Variants in DLG2 observed in about 807,000 individuals in gnomAD.
DLG2 encodes disks large homolog 2.
In DLG2, 45 loss-of-function variants were observed where a neutral mutation model predicts 132.5. The ratio of observed to expected loss-of-function variants is 0.34; its 90% CI spans 0.27 to 0.44. DLG2 has a LOEUF of 0.44. Among genes scored for constraint, DLG2 ranks in the 20% least tolerant of loss-of-function variants. The pLI is 1.00. For missense variants in DLG2, 1,045 were observed against 1,196.9 expected (o/e 0.87, Z 1.87); for synonymous variants, 424 against 419.6 (o/e 1.01, Z -0.13).
At chr11:83,906,325 G>T (rs1480203455) in intron 15 of DLG2, among the ~76,000 whole-genome samples, 1 of 99,830 alleles carries the variant, frequency 1.0e-5, no homozygotes, top group Non-Finnish European at 2.0e-5. Context: ...ACACACCTCG[G>T]CCTCCCAAAG....
chr11:83,874,680 C>T (rs975025511), intron 15 of DLG2, among the ~76,000 whole-genome samples, 192 bp from the exon 16 acceptor site: 7 of 152,088 alleles, frequency 4.6e-5, no homozygotes, highest in South Asian at 2.1e-4. Context: ...AATGCTAACC[C>T]TCCAAGAAAC....
At chr11:83,936,510 C>T (rs1386263866) in intron 14 of DLG2, among the ~76,000 whole-genome samples, 1 of 152,202 alleles carries the variant, frequency 6.6e-6, no homozygotes, top group Non-Finnish European at 1.5e-5. Flanking sequence ...TTAGATACCA[C>T]AGTCTGCAAA....
intron 7 of DLG2, among the ~76,000 whole-genome samples, chr11:84,428,632 A>G (rs972609709): frequency 6.6e-6 from 1 of 152,226 alleles, no homozygotes; most frequent in Non-Finnish European, 1.5e-5. Flanking sequence ...CACCAAGCCT[A>G]TCAGATTCAG....
intron 17 of DLG2, among the ~76,000 whole-genome samples, chr11:83,816,500 T>TC (rs146625147): frequency 0.019 from 2,837 of 152,256 alleles, 35 homozygotes; most frequent in Non-Finnish European, 0.028. Context: ...CAGTTTTTTT[T>TC]CACTGGAAAA....
At chr11:84,074,777 C>G (rs1489291368) in intron 10 of DLG2, among the ~76,000 whole-genome samples, 1 of 152,138 alleles carries the variant, frequency 6.6e-6, no homozygotes, top group East Asian at 1.9e-4. Flanking sequence ...ATCTGCCCAC[C>G]TCGGCCTCCC....
intron 15 of DLG2, among the ~76,000 whole-genome samples, chr11:83,924,126 C>T (rs147821114): frequency 0.012 from 1,855 of 152,166 alleles, 14 homozygotes; most frequent in Admixed American, 0.024. Flanking sequence ...AGCTCAGTGT[C>T]TTCATGAAAA....
chr11:84,200,714 G>C (rs1283274890), intron 8 of DLG2, among the ~76,000 whole-genome samples: 1 of 152,052 alleles, frequency 6.6e-6, no homozygotes, highest in African/African-American at 2.4e-5. Flanking sequence ...TAGCAATTCT[G>C]AATGGGAGTT....
At chr11:85,124,836 T>A (rs1372520526) in intron 5 of DLG2, among the ~76,000 whole-genome samples, 1 of 150,366 alleles carries the variant, frequency 6.7e-6, no homozygotes, top group Non-Finnish European at 1.5e-5. Context: ...ACAGTAAAAT[T>A]TTTTTTTTTT....
chr11:84,096,095 T>C (rs1347781830), intron 10 of DLG2, among the ~76,000 whole-genome samples: 2 of 152,210 alleles, frequency 1.3e-5, no homozygotes, highest in African/African-American at 2.4e-5. Context: ...TACCAACACA[T>C]GAGATTTTAG....
At chr11:85,512,233 T>A (rs1045053631) in intron 3 of DLG2, among the ~76,000 whole-genome samples, 13 of 152,032 alleles carry the variant, frequency 8.6e-5, no homozygotes, top group Non-Finnish European at 1.5e-4. Context: ...AACTCCAACC[T>A]GGTGCAAAGC....
chr11:84,819,936 G>A (rs2077493652), intron 6 of DLG2, among the ~76,000 whole-genome samples: 1 of 151,468 alleles, frequency 6.6e-6, no homozygotes, highest in African/African-American at 2.4e-5. Context: ...TGTCCACATA[G>A]TCTTACCTGG....
At chr11:83,716,830 G>A (rs952352283) in intron 18 of DLG2, among the ~76,000 whole-genome samples, 1 of 151,896 alleles carries the variant, frequency 6.6e-6, no homozygotes, top group Non-Finnish European at 1.5e-5. Context: ...TAGACTTTAA[G>A]CTCCTTGTAG....
chr11:83,725,705 T>C (rs2089867477), intron 18 of DLG2, among the ~76,000 whole-genome samples: 1 of 152,242 alleles, frequency 6.6e-6, no homozygotes, highest in East Asian at 1.9e-4. Context: ...ACCAGGACGA[T>C]TTAGATTCCT....
At chr11:84,605,591 C>CA (rs11323561) in intron 6 of DLG2, among the ~76,000 whole-genome samples, 5,418 of 117,952 alleles carry the variant, frequency 0.046, 151 homozygotes, top group African/African-American at 0.087. Context: ...TAATCCTCTG[C>CA]AAAAAAAAAA....
At chr11:84,677,540 T>C (rs1478061855) in intron 6 of DLG2, among the ~76,000 whole-genome samples, 2 of 152,066 alleles carry the variant, frequency 1.3e-5, no homozygotes, top group African/African-American at 4.8e-5. Context: ...CACAGAATCA[T>C]TCTAACTTGA....
intron 6 of DLG2, among the ~76,000 whole-genome samples, chr11:84,737,041 T>G (rs1194431944): frequency 1.3e-5 from 2 of 152,002 alleles, no homozygotes; most frequent in Non-Finnish European, 2.9e-5. Flanking sequence ...TTCCCTTCTA[T>G]TTATATTTTG....
chr11:83,961,890 G>A (rs76491609), intron 14 of DLG2, among the ~76,000 whole-genome samples: 20,506 of 151,936 alleles, frequency 0.13, 1,729 homozygotes, highest in African/African-American at 0.22. Flanking sequence ...CATTTTCAGC[G>A]TCTAAACATT....
intron 6 of DLG2, chr11:84,923,080 C>G: frequency 6.2e-7 from 1 of 1,613,996 alleles, no homozygotes; most frequent in Non-Finnish European, 8.5e-7. Context: ...CTCTTACCTT[C>G]ACGTTAGTCC....
intron 8 of DLG2, 143 bp downstream of exon 8, chr11:84,251,095 T>C (rs2097366027): frequency 1.9e-6 from 1 of 520,460 alleles, no homozygotes; most frequent in Non-Finnish European, 3.3e-6. Context: ...ATTTAGAAAT[T>C]ATTAAAAGAA....
Sources: allele counts gnomAD v4.1 joint callset (sites outside exome capture counted in the v4.1 genomes callset), GRCh38; gene constraint gnomAD v4.1.1; transcripts MANE v1.5; gene names NCBI Gene and HGNC (gene_info 2026-07-23, HGNC 2026-07-21).